Variants in GRIP1 observed in about 807,000 individuals in gnomAD.
GRIP1 encodes the protein glutamate receptor-interacting protein 1.
Under a neutral mutation model 129.9 loss-of-function variants are expected in GRIP1, and 45 were observed. That is an observed-to-expected ratio of 0.35 (90% CI 0.27 to 0.44). GRIP1 has a LOEUF of 0.44. Ranked by LOEUF, GRIP1 falls within the 20% of genes least tolerant of loss-of-function variation. The probability of loss-of-function intolerance (pLI) is 1.00; values close to 1 mark genes in which losing one functional copy is unlikely to be tolerated. For synonymous variants in GRIP1, 530 were observed against 520.8 expected (o/e 1.02, Z -0.24); for missense variants, 1,196 against 1,396.8 (o/e 0.86, Z 2.29).
At chr12:66,952,980 A>G (rs1356246290) in intron 1 of GRIP1, among the ~76,000 whole-genome samples, 1 of 152,228 alleles carries the variant, frequency 6.6e-6, no homozygotes, top group South Asian at 2.1e-4. Flanking sequence ...TATGCCACAC[A>G]TAGATATTTA....
At chr12:66,624,313 T>A (rs1049900780) in intron 1 of GRIP1, among the ~76,000 whole-genome samples, 7 of 152,180 alleles carry the variant, frequency 4.6e-5, no homozygotes, top group African/African-American at 1.7e-4. Context: ...AAATGTCTTA[T>A]TTTGGAAAGT....
chr12:66,597,311 T>C (rs978105084), intron 1 of GRIP1, among the ~76,000 whole-genome samples: 2 of 152,070 alleles, frequency 1.3e-5, no homozygotes, highest in African/African-American at 4.8e-5. Flanking sequence ...AATAAAATGG[T>C]TCAATGGGCA....
At chr12:66,552,495 T>C (rs1485272124) in intron 2 of GRIP1, among the ~76,000 whole-genome samples, 1 of 152,214 alleles carries the variant, frequency 6.6e-6, no homozygotes, top group East Asian at 1.9e-4. Context: ...TACCATTTTA[T>C]AGATTAGGGA....
At chr12:66,860,760 G>A (rs1352432646) in intron 1 of GRIP1, among the ~76,000 whole-genome samples, 1 of 152,020 alleles carries the variant, frequency 6.6e-6, no homozygotes, top group African/African-American at 2.4e-5. Context: ...AATGCATATT[G>A]CGATACATAA....
At chr12:66,850,544 T>C (rs886421009) in intron 1 of GRIP1, among the ~76,000 whole-genome samples, 2 of 152,060 alleles carry the variant, frequency 1.3e-5, no homozygotes, top group Non-Finnish European at 2.9e-5. Flanking sequence ...ATATTGGCCT[T>C]AAATGGGAAA....
At chr12:66,456,552 C>T (rs2058969694) in intron 9 of GRIP1, among the ~76,000 whole-genome samples, 1 of 151,938 alleles carries the variant, frequency 6.6e-6, no homozygotes, top group Non-Finnish European at 1.5e-5. Context: ...TTTTCATCTT[C>T]CCAAGAATAA....
intron 1 of GRIP1, among the ~76,000 whole-genome samples, chr12:66,714,330 T>C (rs1384162142): frequency 6.6e-6 from 1 of 152,052 alleles, no homozygotes; most frequent in Non-Finnish European, 1.5e-5. Context: ...GATTTAACTT[T>C]TGAAACACTC....
At chr12:67,061,720 T>C (rs765058596) in intron 1 of GRIP1, among the ~76,000 whole-genome samples, 1 of 152,184 alleles carries the variant, frequency 6.6e-6, no homozygotes, top group Non-Finnish European at 1.5e-5. Flanking sequence ...GTAATATAAA[T>C]TGTATATAAA....
chr12:66,855,034 A>ATTAT (rs560135894), intron 1 of GRIP1, among the ~76,000 whole-genome samples: 154 of 151,844 alleles, frequency 1.0e-3, no homozygotes, highest in Middle Eastern at 3.4e-3. Context: ...CTATCTGCTT[A>ATTAT]TTATTTATTT....
At chr12:66,942,989 A>G (rs2041611392) in intron 1 of GRIP1, among the ~76,000 whole-genome samples, 1 of 152,190 alleles carries the variant, frequency 6.6e-6, no homozygotes, top group Admixed American at 6.5e-5. Context: ...TGGACTTCCC[A>G]GGCTCCAGAA....
At chr12:66,377,492 TA>T (rs2055856172) in intron 20 of GRIP1, among the ~76,000 whole-genome samples, 1 of 146,946 alleles carries the variant, frequency 6.8e-6, no homozygotes, top group Admixed American at 7.0e-5. Context: ...CACGCCTGGC[TA>T]ATTTTTTTTT....
Position 66,387,059 on chromosome 12 carries a change from T to C in GRIP1, c.2464+5249A>G, listed in dbSNP as rs189572967. On this transcript the variant is annotated intron_variant, in intron 19 of 24. Transcript: ENST00000359742. ...ATACATAAATCCAGTGGAAGTCAAA[T>C]GGGAAGGGGGTGGTGGTGGTAAGAA... Among the ~76,000 whole-genome samples the C allele has an allele frequency of 6.4e-4, 97 of 152,004 alleles. 1 individual carries two copies. The East Asian group carries it at 0.011, about 18-fold the overall frequency.
intron 1 of GRIP1, among the ~76,000 whole-genome samples, chr12:66,985,468 A>C (rs1426724684): frequency 6.6e-6 from 1 of 152,176 alleles, no homozygotes; most frequent in Non-Finnish European, 1.5e-5. Flanking sequence ...CTCAGGAATT[A>C]TTTTTAAAAT....
chr12:66,484,281 TG>T (rs2059893772), intron 7 of GRIP1, among the ~76,000 whole-genome samples: 1 of 152,220 alleles, frequency 6.6e-6, no homozygotes, highest in Admixed American at 6.5e-5. Context: ...TCATGCATAT[TG>T]TTAGGGGTAA....
chr12:66,402,817 A>C (rs545699923), intron 16 of GRIP1, among the ~76,000 whole-genome samples: 1 of 152,374 alleles, frequency 6.6e-6, no homozygotes, highest in South Asian at 2.1e-4. Context: ...GCATTATATC[A>C]AACTTTCAAA....
chr12:66,757,477 G>C (rs1030166216), intron 1 of GRIP1, among the ~76,000 whole-genome samples: 1 of 151,982 alleles, frequency 6.6e-6, no homozygotes, highest in South Asian at 2.1e-4. Flanking sequence ...CCATTCATCT[G>C]CTGATGAACA....
chr12:66,967,622 CT>C (rs1225962708), intron 1 of GRIP1, among the ~76,000 whole-genome samples: 4 of 152,152 alleles, frequency 2.6e-5, no homozygotes, highest in Admixed American at 1.3e-4. Context: ...AGAAATCCTC[CT>C]GCCTCAGCCT....
chr12:66,912,227 G>A (rs1472237410), intron 1 of GRIP1, among the ~76,000 whole-genome samples: 1 of 152,016 alleles, frequency 6.6e-6, no homozygotes, highest in South Asian at 2.1e-4. Context: ...AGGAAGCTCT[G>A]AAGGCCAGTG....
At chr12:67,030,705 G>A (rs776686153) in intron 1 of GRIP1, among the ~76,000 whole-genome samples, 2 of 151,976 alleles carry the variant, frequency 1.3e-5, no homozygotes, top group Non-Finnish European at 2.9e-5. Flanking sequence ...AAAGTGCTAG[G>A]GTGAGTTTAT....
Sources: gnomAD v4.1 joint callset for allele counts (sites outside exome capture counted in the v4.1 genomes callset) on GRCh38, gnomAD v4.1.1 for gene constraint, MANE v1.5 for transcripts, NCBI Gene and HGNC (gene_info 2026-07-23, HGNC 2026-07-21) for gene names.